ENTPD7: variants seen among roughly 807,000 people sequenced by gnomAD.
ENTPD7 encodes ectonucleoside triphosphate diphosphohydrolase 7, also known as NTPDase 7.
Under a neutral mutation model 77.9 loss-of-function variants are expected in ENTPD7, and 53 were observed. That is an observed-to-expected ratio of 0.68 (90% CI 0.55 to 0.85). ENTPD7 has a LOEUF of 0.85. Ranked by LOEUF, ENTPD7 falls within the 40% of genes least tolerant of loss-of-function variation. The pLI is 0.00. For synonymous variants in ENTPD7, 248 were observed against 274.9 expected, an observed-to-expected ratio of 0.90 and a Z score of 0.97; for missense variants, 636 against 743.7, an observed-to-expected ratio of 0.86 and a Z score of 1.68.
intron 2 of ENTPD7, 47 bp from the exon 3 acceptor site, chr10:99,661,399 T>G: frequency 6.7e-7 from 1 of 1,502,360 alleles, no homozygotes; most frequent in Non-Finnish European, 9.0e-7. Context: ...ATTTAAGCAC[T>G]CAGTTGTAGA....
chr10:99,708,528 A>G lies in ENTPD7; in HGVS notation c.*3845A>G, dbSNP rs2036295915. ...CTGGTTCGGTTCTCATCTATCAAACAAAGAGGCTAGACAAGATTAGAAACT... is the reference window on the plus strand; with the variant it reads ...CTGGTTCGGTTCTCATCTATCAAACGAAGAGGCTAGACAAGATTAGAAACT... On this transcript the variant is annotated 3_prime_UTR_variant, in exon 13 of 13. Coordinates refer to ENST00000370489, the MANE Select transcript of ENTPD7 (RefSeq NM_020354.5). Among the ~76,000 whole-genome samples the G allele has an allele frequency of 6.6e-6, 1 of 152,178 alleles. No homozygotes were observed. Among genetic ancestry groups the G allele is most frequent in the Non-Finnish European group, 1.5e-5 (1 of 68,030 alleles).
At chr10:99,665,438 A>G (rs1007921834) in intron 3 of ENTPD7, among the ~76,000 whole-genome samples, 4 of 152,108 alleles carry the variant, frequency 2.6e-5, no homozygotes, top group Non-Finnish European at 5.9e-5. Context: ...ATTGGGACAC[A>G]TGCCTACCCT....
chr10:99,676,234 A>G (rs1404834344), intron 3 of ENTPD7, among the ~76,000 whole-genome samples: 2 of 152,068 alleles, frequency 1.3e-5, no homozygotes, highest in Non-Finnish European at 2.9e-5. Context: ...TTATAAAAAT[A>G]TATTTATATG....
rs1027407095 is a variant in ENTPD7, at chr10:99,704,617, A to G, written c.1749A>G (p.Ser583=). The change falls in exon 13 of 13, where the codon TCA becomes TCG. Residue 583 remains serine (S), a synonymous_variant. Transcript: ENST00000370489. ...TTCACCACCGACAAACACGAGCCTC[A>G]GCTCCATTGGACTTGCTGTGGCTTG... ...RRIHHRQTRA[S]APLDLLWLEE... 1.2e-6 allele frequency: 2 copies of G among 1,614,078 alleles called. No individual in the cohort carries two copies. Among genetic ancestry groups the G allele is most frequent in the Admixed American group, 3.3e-5 (2 of 60,012 alleles).
At chr10:99,675,366 G>A (rs1360520) in intron 3 of ENTPD7, among the ~76,000 whole-genome samples, 130,477 of 151,850 alleles carry the variant, frequency 0.86, 56,138 homozygotes, top group Middle Eastern at 0.92. Flanking sequence ...AAATGTATCA[G>A]TGTTAGGAAG....
At chr10:99,660,526 GCACACA>G (rs68112730) in intron 2 of ENTPD7, 93,167 of 281,308 alleles carry the variant, frequency 0.33, 13,281 homozygotes, top group African/African-American at 0.42. Flanking sequence ...GAATGGATAC[GCACACA>G]CACACACACA....
chr10:99,664,757 C>A (rs1028265681), intron 3 of ENTPD7, among the ~76,000 whole-genome samples: 1 of 151,502 alleles, frequency 6.6e-6, no homozygotes, highest in African/African-American at 2.4e-5. Flanking sequence ...CCTAAATTTT[C>A]TTTTTATTGC....
rs1437519443 is a variant in ENTPD7, at chr10:99,685,950, CCTCT to C, written c.652+58_652+61del. 3.5e-6 allele frequency: 4 copies of C among 1,131,324 alleles called. No individual in the cohort carries two copies. In the African/African-American group the frequency reaches 4.6e-5, roughly 13 times the overall value. The allele number at this position is 1,131,324 out of a possible 1,614,324, so 70.1% of individuals were successfully genotyped here. A position where few individuals can be genotyped will look rare whatever the true frequency, so the allele number is the denominator to read the frequency against. Reference sequence around the variant, plus strand: ...AACCTCTAAGCCAACCATGGCACAGCCTCTCTAACGGGTGTTTAGAATTATTCTA... The same window carrying C: ...AACCTCTAAGCCAACCATGGCACAGCCTAACGGGTGTTTAGAATTATTCTA... On this transcript the variant is annotated intron_variant, in intron 6 of 12. Coordinates refer to ENST00000370489, the MANE Select transcript of ENTPD7 (RefSeq NM_020354.5).
At chr10:99,660,459 T>C (rs1033885027) in intron 2 of ENTPD7, 2 of 896,810 alleles carry the variant, frequency 2.2e-6, no homozygotes, top group African/African-American at 1.8e-5. Flanking sequence ...TAAAATAAAG[T>C]GGGGGAAAGA....
Position 99,704,762 on chromosome 10 carries a change from A to C in ENTPD7, c.*79A>C. ...TTCCTCCACTTTCTTATATAGCCTC[A>C]GATGCTGTGATGTCTGACCTTGTGG... On this transcript the variant is annotated 3_prime_UTR_variant, in exon 13 of 13. Transcript: ENST00000370489. 3 of 1,286,498 alleles carry C rather than the reference A, an allele frequency of 2.3e-6. No individual in the cohort carries two copies. The highest frequency in any genetic ancestry group is 3.3e-6 in the Non-Finnish European group (3 of 915,676). The allele number at this position is 1,286,498 out of a possible 1,614,324, so 79.7% of individuals were successfully genotyped here.
Position 99,699,158 on chromosome 10 carries a change from T to A in ENTPD7, c.1335+300T>A, listed in dbSNP as rs184607396. Among the ~76,000 whole-genome samples, 520 of 152,310 alleles carry A rather than the reference T, an allele frequency of 3.4e-3. 7 individuals are homozygous for A. Among genetic ancestry groups the A allele is most frequent in the African/African-American group, 0.01 (426 of 41,558 alleles). On this transcript the variant is annotated intron_variant, in intron 10 of 12. Coordinates refer to ENST00000370489, the MANE Select transcript of ENTPD7 (RefSeq NM_020354.5). ...GGTTTTTCTTCCAACTTTCCAATAG[T>A]CTTGTTTAATGTTTATGCCCAAGAA...
intron 6 of ENTPD7, among the ~76,000 whole-genome samples, chr10:99,687,259 C>CTTGCTTTT (rs2035825830): frequency 3.4e-5 from 1 of 29,522 alleles, no homozygotes; most frequent in African/African-American, 1.4e-4. Flanking sequence ...TTCTTTCTTT[C>CTTGCTTTT]TTTTTTTTTT....
intron 12 of ENTPD7, among the ~76,000 whole-genome samples, chr10:99,703,070 C>G (rs987984824): frequency 1.3e-5 from 2 of 152,224 alleles, no homozygotes; most frequent in South Asian, 4.1e-4. Flanking sequence ...CTAGAGCAAT[C>G]TTTCATAACA....
chr10:99,669,234 T>A (rs911541108), intron 3 of ENTPD7, among the ~76,000 whole-genome samples: 1 of 152,100 alleles, frequency 6.6e-6, no homozygotes, highest in Non-Finnish European at 1.5e-5. Flanking sequence ...GAAATGATAG[T>A]CTCTCTTGCA....
intron 3 of ENTPD7, among the ~76,000 whole-genome samples, chr10:99,674,153 G>A (rs1341534712): frequency 6.6e-6 from 1 of 152,194 alleles, no homozygotes; most frequent in African/African-American, 2.4e-5. Flanking sequence ...AGGGGAAGGA[G>A]TAGGTAGAGA....
chr10:99,688,062 GA>G lies in ENTPD7; in HGVS notation c.653-623del, dbSNP rs902101844. ...AGGTTAGAGAGAACAAAATAAGAAA[GA>G]AAAAAAAAGCAGGAGATTTCCCTTA... On this transcript the variant is annotated intron_variant, in intron 6 of 12. Transcript: ENST00000370489. Among the ~76,000 whole-genome samples the G allele has an allele frequency of 3.4e-3, 513 of 150,798 alleles. 2 individuals carry two copies. Among genetic ancestry groups the G allele is most frequent in the African/African-American group, 0.011 (463 of 41,162 alleles).
intron 11 of ENTPD7, among the ~76,000 whole-genome samples, chr10:99,701,540 G>A (rs746486059): frequency 2.0e-5 from 3 of 151,370 alleles, no homozygotes; most frequent in African/African-American, 7.3e-5. Context: ...CGCCTGCCTC[G>A]CCCTCCCAGA....
chr10:99,662,792 C>T (rs1274621405), intron 3 of ENTPD7, among the ~76,000 whole-genome samples: 1 of 152,204 alleles, frequency 6.6e-6, no homozygotes, highest in African/African-American at 2.4e-5. Flanking sequence ...ACTCCCCAGA[C>T]CCAGGGCTTA....
rs1437880447 is a variant in ENTPD7, at chr10:99,704,487, G to A, written c.1619G>A (p.Gly540Asp). ...CAGGAAGGTGTCCGACAAGCCCATG[G>A]TAGCTGGTTCCGTCTCTCCTTTGTA... ...LRQEGVRQAH[G>D]SWFRLSFVYN... The change falls in exon 13 of 13, where the codon GGT (glycine) becomes GAT (aspartate). Residue 540 changes from glycine (G) to aspartate (D), a missense_variant. Gly to Asp is a moderately conservative substitution (Grantham distance 94, BLOSUM62 -1). Transcript: ENST00000370489. 4 of 1,614,092 alleles carry A rather than the reference G, an allele frequency of 2.5e-6. No homozygotes were observed. In the Admixed American group the frequency reaches 5.0e-5, roughly 20 times the overall value.
Sources: allele counts gnomAD v4.1 joint callset (sites outside exome capture counted in the v4.1 genomes callset), GRCh38; gene constraint gnomAD v4.1.1; transcripts MANE v1.5; gene names NCBI Gene and HGNC (gene_info 2026-07-23, HGNC 2026-07-21).